COL4A6: variants seen among roughly 807,000 people sequenced by gnomAD.
COL4A6 encodes the protein collagen alpha-6(IV) chain.
COL4A6 carries 59 observed loss-of-function variants against 126.7 expected under a neutral mutation model. The ratio of observed to expected loss-of-function variants is 0.47; its 90% confidence interval spans 0.38 to 0.58. The LOEUF (loss-of-function observed/expected upper bound fraction) is 0.58. Among genes scored for constraint, COL4A6 ranks in the 20% least tolerant of loss-of-function variants. The pLI is 0.00. For missense variants in COL4A6, 1,285 were observed against 1,337.3 expected, an observed-to-expected ratio of 0.96 and a Z score of 0.61; for synonymous variants, 547 against 496.6, an observed-to-expected ratio of 1.10 and a Z score of -1.35.
chrX:108,412,559 A>T (rs2041353349), intron 2 of COL4A6, among the ~76,000 whole-genome samples: 1 of 111,771 alleles, frequency 8.9e-6, no homozygotes, highest in Non-Finnish European at 1.9e-5. Flanking sequence ...TGTTTGTAGG[A>T]GATCTGTAAA....
chrX:108,170,496 A>G (rs2034265660), intron 35 of COL4A6, 113 bp downstream of exon 35: 2 of 611,494 alleles, frequency 3.3e-6, no homozygotes, highest in East Asian at 3.2e-5. Context: ...CTCATGTCCA[A>G]TGACTCCTGT....
rs137989749 is a variant in COL4A6 at position 108,385,881 on chromosome X, C to G, written c.63+52061G>C. Reference sequence around the variant, plus strand: ...ATCTCTCCCCTAGACCCCTACCCCCCCAAAAGGCCCCAGTGTGTGATGTTC... The same window carrying G: ...ATCTCTCCCCTAGACCCCTACCCCCGCAAAAGGCCCCAGTGTGTGATGTTC... On this transcript the variant is annotated intron_variant, in intron 2 of 44. Transcript: ENST00000334504. Among the ~76,000 whole-genome samples, 39 of 108,763 alleles carry G rather than the reference C, an allele frequency of 3.6e-4. No homozygotes were observed. The East Asian group carries it at 5.5e-3, about 15-fold the overall frequency. 94.4% of individuals were successfully genotyped at this position (108,763 alleles called of 115,157 possible). A position where few individuals can be genotyped will look rare whatever the true frequency, so the allele number is the denominator to read the frequency against.
intron 3 of COL4A6, among the ~76,000 whole-genome samples, chrX:108,227,065 C>T (rs1232186510): frequency 9.0e-6 from 1 of 111,663 alleles, no homozygotes; most frequent in Admixed American, 9.5e-5. Flanking sequence ...TCAGCTTCTC[C>T]AGGGAGCTTT....
intron 2 of COL4A6, among the ~76,000 whole-genome samples, chrX:108,332,264 T>A (rs12858055): frequency 9.0e-6 from 1 of 111,709 alleles, no homozygotes; most frequent in Non-Finnish European, 1.9e-5. Flanking sequence ...GACATTTAGG[T>A]TGATTCCATG....
chrX:108,437,618 T>C (rs1473451037), intron 2 of COL4A6, among the ~76,000 whole-genome samples: 3 of 111,702 alleles, frequency 2.7e-5, no homozygotes, highest in Non-Finnish European at 5.6e-5. Context: ...CCAGGGAAAA[T>C]TATGTTTCTT....
intron 32 of COL4A6, among the ~76,000 whole-genome samples, chrX:108,171,835 G>A (rs1473972602): frequency 8.9e-6 from 1 of 111,980 alleles, no homozygotes; most frequent in African/African-American, 3.2e-5. Context: ...TGGAGCCGAG[G>A]TTCTCCTCGC....
intron 3 of COL4A6, among the ~76,000 whole-genome samples, chrX:108,294,579 A>G (rs185272968): frequency 9.0e-6 from 1 of 110,839 alleles, no homozygotes; most frequent in East Asian, 2.8e-4. Flanking sequence ...ATGAATGAAA[A>G]TGAAAATAGA....
At chrX:108,279,058 T>C (rs2037713410) in intron 3 of COL4A6, among the ~76,000 whole-genome samples, 1 of 111,618 alleles carries the variant, frequency 9.0e-6, no homozygotes, top group Non-Finnish European at 1.9e-5. Flanking sequence ...GTAAAGACCA[T>C]CGAGGCTAGG....
At chrX:108,401,477 C>T (rs981840225) in intron 2 of COL4A6, among the ~76,000 whole-genome samples, 9 of 110,046 alleles carry the variant, frequency 8.2e-5, no homozygotes, top group Admixed American at 2.9e-4. Flanking sequence ...AAATAGGTTA[C>T]GATAGCATAA....
At chrX:108,287,757 C>G (rs2038047973) in intron 3 of COL4A6, among the ~76,000 whole-genome samples, 2 of 111,724 alleles carry the variant, frequency 1.8e-5, no homozygotes, top group Non-Finnish European at 3.8e-5. Flanking sequence ...TTTCATGCAG[C>G]TCTCTCTTCT....
intron 3 of COL4A6, among the ~76,000 whole-genome samples, chrX:108,277,304 G>C (rs1234655431): frequency 8.9e-6 from 1 of 111,961 alleles, no homozygotes; most frequent in Non-Finnish European, 1.9e-5. Context: ...CGCTTTTCCG[G>C]TGGGCTTAAA....
intron 3 of COL4A6, among the ~76,000 whole-genome samples, chrX:108,261,319 G>T (rs2037154422): frequency 8.9e-6 from 1 of 111,879 alleles, no homozygotes; most frequent in Non-Finnish European, 1.9e-5. Context: ...AGTTCTATTG[G>T]ATGTTACTGC....
intron 2 of COL4A6, among the ~76,000 whole-genome samples, chrX:108,321,902 A>G (rs1442344178): frequency 9.0e-6 from 1 of 110,646 alleles, no homozygotes; most frequent in Non-Finnish European, 1.9e-5. Flanking sequence ...TGAGGTAGGC[A>G]CTATTACCAT....
intron 2 of COL4A6, among the ~76,000 whole-genome samples, chrX:108,422,981 A>G (rs73533285): frequency 0.063 from 7,040 of 111,894 alleles, 526 homozygotes; most frequent in African/African-American, 0.2. Context: ...GACACAGAAT[A>G]TACTGTTGGA....
intron 2 of COL4A6, among the ~76,000 whole-genome samples, chrX:108,322,716 C>A (rs886793815): frequency 8.9e-6 from 1 of 111,960 alleles, no homozygotes; most frequent in African/African-American, 3.2e-5. Context: ...TATGAAAGAA[C>A]AACACTTCCC....
At chrX:108,184,784 C>T (rs1475342666) in intron 23 of COL4A6, among the ~76,000 whole-genome samples, 2 of 112,626 alleles carry the variant, frequency 1.8e-5, no homozygotes, top group East Asian at 5.6e-4. Flanking sequence ...TTCCTAATAA[C>T]TTTCTGTATC....
At chrX:108,313,609 G>A (rs981820722) in intron 2 of COL4A6, among the ~76,000 whole-genome samples, 2 of 110,389 alleles carry the variant, frequency 1.8e-5, no homozygotes, top group Non-Finnish European at 1.9e-5. Context: ...CCATTAACTC[G>A]TCATTTAGCA....
intron 32 of COL4A6, 28 bp from the exon 33 acceptor site, chrX:108,171,489 G>A: frequency 2.6e-6 from 3 of 1,134,955 alleles, no homozygotes; most frequent in Non-Finnish European, 3.6e-6. Flanking sequence ...TTGTTTAAAT[G>A]GCCAGGAGAA....
At chrX:108,208,053 C>T (rs1460361585) in intron 8 of COL4A6, among the ~76,000 whole-genome samples, 5 of 111,334 alleles carry the variant, frequency 4.5e-5, no homozygotes, top group East Asian at 2.8e-4. Flanking sequence ...AGGTAGGCTT[C>T]GAGACAAATA....
Sources: gnomAD v4.1 joint callset for allele counts (sites outside exome capture counted in the v4.1 genomes callset) on GRCh38, gnomAD v4.1.1 for gene constraint, MANE v1.5 for transcripts, NCBI Gene and HGNC (gene_info 2026-07-23, HGNC 2026-07-21) for gene names.